Variants in NEMP2 observed in about 807,000 individuals in gnomAD.
NEMP2 encodes the protein UPF0571 transmembrane protein.
A neutral mutation model predicts 54.2 loss-of-function variants in NEMP2; 53 were observed. The ratio of observed to expected loss-of-function variants is 0.98; its 90% CI spans 0.78 to 1.23. The LOEUF is 1.23. Among genes scored for constraint, NEMP2 ranks in the 50% most tolerant of loss-of-function variants. The probability of loss-of-function intolerance (pLI) is 0.00; values close to 1 mark genes in which losing one functional copy is unlikely to be tolerated. For missense variants in NEMP2, 455 were observed against 511.3 expected (o/e 0.89, Z 1.06); for synonymous variants, 197 against 190.3 (o/e 1.04, Z -0.29).
At chr2:190,436,663 G>A in the NEMP2 span, 184 of 1,614,154 alleles carry the variant, frequency 1.1e-4, 3 homozygotes, top group East Asian at 1.2e-3. This position sits in a 1 kb window ranked among gnomAD's most constrained non-coding sequence, Gnocchi z 5.3. Context: ...CTCAGACACC[G>A]TTACTTTGCC....
the NEMP2 span, among the ~76,000 whole-genome samples, chr2:190,486,250 C>T: frequency 1.9e-4 from 29 of 152,324 alleles, 1 homozygote; most frequent in South Asian, 4.4e-3. Flanking sequence ...AAGTGTTCCC[C>T]GCCTTGTGTG....
the NEMP2 span, among the ~76,000 whole-genome samples, chr2:190,486,293 G>C: frequency 6.1e-3 from 922 of 152,296 alleles, 9 homozygotes; most frequent in African/African-American, 0.021. Context: ...AATGGTTTTG[G>C]GTAGTTCATT....
the NEMP2 span, among the ~76,000 whole-genome samples, chr2:190,461,796 C>T: frequency 6.6e-6 from 1 of 152,150 alleles, no homozygotes; most frequent in Non-Finnish European, 1.5e-5. This position sits in a 1 kb window ranked among gnomAD's most constrained non-coding sequence, Gnocchi z 5.5. Context: ...GGAGGGTATA[C>T]AGACATTTAA....
chr2:190,517,234 A>T (rs1046641390), intron 5 of NEMP2, among the ~76,000 whole-genome samples: 1 of 152,072 alleles, frequency 6.6e-6, no homozygotes, highest in African/African-American at 2.4e-5. Flanking sequence ...AGAAATTTTC[A>T]CTCAATATAG....
At chr2:190,469,229 G>T in the NEMP2 span, among the ~76,000 whole-genome samples, 1 of 152,190 alleles carries the variant, frequency 6.6e-6, no homozygotes, top group African/African-American at 2.4e-5. The surrounding 1 kb of genome is among the most constrained non-coding windows in gnomAD (Gnocchi z 5.3). Context: ...GTTAGTGAAT[G>T]ATAGTTTTCA....
At chr2:190,497,161 A>G in the NEMP2 span, among the ~76,000 whole-genome samples, 1 of 152,320 alleles carries the variant, frequency 6.6e-6, no homozygotes, top group South Asian at 2.1e-4. This position sits in a 1 kb window ranked among gnomAD's most constrained non-coding sequence, Gnocchi z 5.2. Flanking sequence ...ATTATAACCT[A>G]TGCCCCACTG....
chr2:190,477,476 G>A, the NEMP2 span: 1 of 563,286 alleles, frequency 1.8e-6, no homozygotes, highest in Non-Finnish European at 2.2e-6. Flanking sequence ...GGAAAAGGAC[G>A]GTTTCCATAA....
chr2:190,599,028 A>C, the NEMP2 span, among the ~76,000 whole-genome samples: 2 of 152,184 alleles, frequency 1.3e-5, no homozygotes, highest in South Asian at 2.1e-4. Context: ...TTTATCAAAC[A>C]AGGAGTATGG....
At chr2:190,451,912 T>C in the NEMP2 span, among the ~76,000 whole-genome samples, 3 of 152,222 alleles carry the variant, frequency 2.0e-5, no homozygotes, top group Non-Finnish European at 4.4e-5. This position sits in a 1 kb window ranked among gnomAD's most constrained non-coding sequence, Gnocchi z 5.0. Flanking sequence ...GCAGAGGATT[T>C]CTTATTATTA....
the NEMP2 span, chr2:190,646,865 CCA>C: frequency 6.6e-6 from 1 of 152,202 alleles, no homozygotes; most frequent in Admixed American, 6.5e-5. Context: ...TCAGGTAAGA[CCA>C]CTCATTTCGT....
the NEMP2 span, among the ~76,000 whole-genome samples, chr2:190,572,833 G>GTGTGTA: frequency 2.1e-5 from 1 of 47,862 alleles, no homozygotes; most frequent in African/African-American, 8.6e-5. Flanking sequence ...CTTTTCATGA[G>GTGTGTA]TATATATATA....
At chr2:190,625,441 T>C in the NEMP2 span, 1 of 152,178 alleles carries the variant, frequency 6.6e-6, no homozygotes, top group Non-Finnish European at 1.5e-5. Flanking sequence ...CAAATAAGCA[T>C]AGGGCTTCTT....
chr2:190,585,731 A>G, the NEMP2 span, among the ~76,000 whole-genome samples: 1 of 151,970 alleles, frequency 6.6e-6, no homozygotes, highest in Admixed American at 6.6e-5. The surrounding 1 kb of genome is among the most constrained non-coding windows in gnomAD (Gnocchi z 5.3). Flanking sequence ...CCTAATTTCG[A>G]TCCTATTGAT....
chr2:190,629,357 C>A, the NEMP2 span, among the ~76,000 whole-genome samples: 1 of 152,144 alleles, frequency 6.6e-6, no homozygotes, highest in African/African-American at 2.4e-5. Flanking sequence ...CTTGTACTAA[C>A]TTGTTATAAC....
rs1691284537 is a variant in NEMP2, at chr2:190,534,418, A to G, written c.97+141T>C. 3.3e-6 allele frequency: 4 copies of G among 1,219,912 alleles called. No individual in the cohort carries two copies. The South Asian group carries it at 1.5e-4, about 47-fold the overall frequency. 75.6% of individuals were successfully genotyped at this position (1,219,912 alleles called of 1,614,324 possible). Reference sequence around the variant, plus strand: ...GAAGGGCGGGCGGGGCCTGCCCGGGAGACCCCAAAGCGAGAAAAGGGAGCG... The same window carrying G: ...GAAGGGCGGGCGGGGCCTGCCCGGGGGACCCCAAAGCGAGAAAAGGGAGCG... On this transcript the variant is annotated intron_variant, in intron 1 of 8. Coordinates refer to ENST00000409150, the MANE Select transcript of NEMP2 (RefSeq NM_001142645.2).
the NEMP2 span, chr2:190,477,260 A>C: frequency 1.0e-6 from 1 of 983,892 alleles, no homozygotes; most frequent in Non-Finnish European, 1.2e-6. Flanking sequence ...TTCAATAACA[A>C]GGTAATATGC....
chr2:190,625,169 T>C, the NEMP2 span: 3 of 152,180 alleles, frequency 2.0e-5, no homozygotes, highest in African/African-American at 7.2e-5. Context: ...TCACAGAACA[T>C]GATTAATAGT....
In NEMP2 at chr2:190,521,203, C is replaced by A. The variant is rs1690739923; in HGVS notation, c.214-2020G>T. 6.6e-6 allele frequency among the ~76,000 whole-genome samples: 1 copy of A among 152,198 alleles called. No homozygotes were observed. Among genetic ancestry groups the A allele is most frequent in the East Asian group, 1.9e-4 (1 of 5,186 alleles). On this transcript the variant is annotated intron_variant, in intron 2 of 8. Coordinates refer to ENST00000409150, the MANE Select transcript of NEMP2 (RefSeq NM_001142645.2). The surrounding 1 kb of genome is among the most constrained non-coding windows in gnomAD (Gnocchi z 6.2). ...ATTTCACAACTTCTTCCTCAATACTCAACACCTTCTCCCCATCCTCTTCTC... is the reference window on the plus strand; with the variant it reads ...ATTTCACAACTTCTTCCTCAATACTAAACACCTTCTCCCCATCCTCTTCTC...
At chr2:190,477,784 C>T in the NEMP2 span, among the ~76,000 whole-genome samples, 1 of 152,120 alleles carries the variant, frequency 6.6e-6, no homozygotes, top group Non-Finnish European at 1.5e-5. Flanking sequence ...TGCTAGGTAG[C>T]AGATAAGGAG....
Sources: allele counts gnomAD v4.1 joint callset (sites outside exome capture counted in the v4.1 genomes callset), GRCh38; gene constraint gnomAD v4.1.1; non-coding constraint Gnocchi (gnomAD v3.1); transcripts MANE v1.5; gene names NCBI Gene and HGNC (gene_info 2026-07-23, HGNC 2026-07-21).